The following NPTN variants were observed in gnomAD, a reference collection of about 807,000 sequenced individuals.
NPTN encodes the protein neuroplastin, also known as SDR-1.
NPTN carries 5 observed loss-of-function variants against 42.7 expected under a neutral mutation model. The observed-to-expected ratio is 0.12, with a 90% CI of 0.06 to 0.25. The LOEUF (loss-of-function observed/expected upper bound fraction) is 0.25. Among genes scored for constraint, NPTN ranks in the 10% least tolerant of loss-of-function variants. NPTN has a pLI of 1.00. For synonymous variants in NPTN, 180 were observed against 201.9 expected (o/e 0.89, Z 0.92); for missense variants, 307 against 525.4 (o/e 0.58, Z 4.06).
chr15:73,562,989 G>GA (rs200404677), intron 7 of NPTN, among the ~76,000 whole-genome samples: 10,298 of 142,778 alleles, frequency 0.072, 359 homozygotes, highest in South Asian at 0.099. Flanking sequence ...CACAAAATTT[G>GA]AAAAAAAAAA....
At chr15:73,563,544 T>C (rs1894813425) in intron 6 of NPTN, 34 of 1,229,846 alleles carry the variant, frequency 2.8e-5, no homozygotes, top group Non-Finnish European at 3.5e-5. Flanking sequence ...GGCTGCAACA[T>C]TGTTATACTC....
chr15:73,593,802 T>C (rs1896707107), intron 2 of NPTN, among the ~76,000 whole-genome samples: 1 of 152,196 alleles, frequency 6.6e-6, no homozygotes, highest in Non-Finnish European at 1.5e-5. Context: ...CTGGTCCTTA[T>C]CAGTAACATC....
chr15:73,611,939 A>G (rs1357573943), intron 1 of NPTN, among the ~76,000 whole-genome samples: 2 of 152,226 alleles, frequency 1.3e-5, no homozygotes, highest in African/African-American at 2.4e-5. Flanking sequence ...TTTTTAAATT[A>G]AAAGTATCAA....
At chr15:73,571,776 G>A (rs997947123) in intron 5 of NPTN, among the ~76,000 whole-genome samples, 1 of 152,172 alleles carries the variant, frequency 6.6e-6, no homozygotes, top group African/African-American at 2.4e-5. Context: ...AGAGAAAAAG[G>A]GGAATATTAT....
At chr15:73,595,517 GAACA>G (rs1896794063) in intron 2 of NPTN, among the ~76,000 whole-genome samples, 1 of 152,112 alleles carries the variant, frequency 6.6e-6, no homozygotes, top group South Asian at 2.1e-4. Context: ...TGGCTACAAA[GAACA>G]GACACTAATT....
chr15:73,564,779 T>C (rs1894884491), intron 6 of NPTN, among the ~76,000 whole-genome samples: 2 of 152,134 alleles, frequency 1.3e-5, no homozygotes, highest in Admixed American at 1.3e-4. Context: ...ACTAAGCACT[T>C]TGGGGATTTA....
intron 1 of NPTN, among the ~76,000 whole-genome samples, chr15:73,616,908 G>A (rs550658743): frequency 6.6e-6 from 1 of 152,210 alleles, no homozygotes; most frequent in East Asian, 1.9e-4. Context: ...GCCAAAAACT[G>A]GATAAAATTG....
At chr15:73,602,915 C>T (rs1897136795) in intron 1 of NPTN, among the ~76,000 whole-genome samples, 2 of 152,226 alleles carry the variant, frequency 1.3e-5, no homozygotes, top group Non-Finnish European at 1.5e-5. Flanking sequence ...AGGGTCCACC[C>T]TTTATTCTGA....
At chr15:73,589,030 G>A (rs1386398910) in intron 3 of NPTN, among the ~76,000 whole-genome samples, 1 of 152,156 alleles carries the variant, frequency 6.6e-6, no homozygotes, top group Non-Finnish European at 1.5e-5. Context: ...TGACAGGAAG[G>A]ACTGTAAGAA....
At chr15:73,625,095 C>T (rs1898330400) in intron 1 of NPTN, among the ~76,000 whole-genome samples, 1 of 152,134 alleles carries the variant, frequency 6.6e-6, no homozygotes, top group Non-Finnish European at 1.5e-5. Context: ...ACTAACATGG[C>T]ATGTAAAAAA....
At chr15:73,631,190 G>A (rs1566996003) in intron 1 of NPTN, among the ~76,000 whole-genome samples, 1 of 152,300 alleles carries the variant, frequency 6.6e-6, no homozygotes, top group South Asian at 2.1e-4. Flanking sequence ...AACATGTTAA[G>A]ATCAAGAATC....
intron 1 of NPTN, among the ~76,000 whole-genome samples, chr15:73,610,246 C>T (rs532721107): frequency 1.4e-4 from 21 of 152,162 alleles, no homozygotes; most frequent in Admixed American, 1.2e-3. Flanking sequence ...GCCACCCCAC[C>T]CAGCTAAGTT....
chr15:73,566,617 G>C (rs573292491), intron 6 of NPTN, among the ~76,000 whole-genome samples: 5 of 152,318 alleles, frequency 3.3e-5, no homozygotes, highest in African/African-American at 9.6e-5. Context: ...CAGGAGCACA[G>C]GCTGACTGCT....
At chr15:73,608,496 G>GA (rs35740254) in intron 1 of NPTN, among the ~76,000 whole-genome samples, 1 of 152,146 alleles carries the variant, frequency 6.6e-6, no homozygotes, top group Non-Finnish European at 1.5e-5. Context: ...AGATAAAGGT[G>GA]AAAAAATTCA....
chr15:73,626,281 T>C (rs759271935), intron 1 of NPTN, among the ~76,000 whole-genome samples: 18 of 152,370 alleles, frequency 1.2e-4, no homozygotes, highest in Admixed American at 9.2e-4. Context: ...ATAAGATCTC[T>C]GCATAACAGA....
At chr15:73,587,151 C>T (rs535832269) in intron 4 of NPTN, among the ~76,000 whole-genome samples, 8 of 152,308 alleles carry the variant, frequency 5.3e-5, no homozygotes, top group East Asian at 1.9e-4. Flanking sequence ...TTTACAAAGC[C>T]TTGGGCCATA....
intron 1 of NPTN, 181 bp downstream of exon 1, chr15:73,632,944 G>A (rs1015455900): frequency 3.4e-5 from 15 of 445,220 alleles, no homozygotes; most frequent in Non-Finnish European, 5.8e-5. Flanking sequence ...AGGAGCCTCC[G>A]GTCCTCACAC....
At chr15:73,567,160 G>C (rs986628914) in intron 6 of NPTN, 87 of 984,732 alleles carry the variant, frequency 8.8e-5, no homozygotes, top group Non-Finnish European at 1.0e-4. Flanking sequence ...TGTTCACTTA[G>C]TGCTTTTGTA....
In NPTN at chr15:73,597,332, G is replaced by A. The variant is rs1226657387; in HGVS notation, c.129C>T (p.Leu43=). The A allele has an allele frequency of 6.2e-7, 1 of 1,613,664 alleles. No individual in the cohort carries two copies. Among genetic ancestry groups the A allele is most frequent in the Non-Finnish European group, 8.5e-7 (1 of 1,179,874 alleles). The change falls in exon 2 of 9, where the codon CTC becomes CTT. Residue 43 remains leucine, a synonymous_variant. Coordinates refer to ENST00000345330, the MANE Select transcript of NPTN (RefSeq NM_012428.4). This position sits in a 1 kb window ranked among gnomAD's most constrained non-coding sequence, Gnocchi z 6.3. ...FVKSPMSETK[L]TGDAFELYCD... ...AGTACAGCTCAAAGGCGTCCCCCGT[G>A]AGCTTAGTTTCTGACATGGGCGACT...
Sources: gnomAD v4.1 joint callset for allele counts (sites outside exome capture counted in the v4.1 genomes callset) on GRCh38, gnomAD v4.1.1 for gene constraint, Gnocchi (gnomAD v3.1) non-coding constraint, MANE v1.5 for transcripts, NCBI Gene and HGNC (gene_info 2026-07-23, HGNC 2026-07-21) for gene names.